Variants in TMEM260 observed in about 807,000 individuals in gnomAD.
TMEM260 encodes the protein transmembrane protein 260.
In TMEM260, 82 loss-of-function variants were observed where a neutral mutation model predicts 88.9. The ratio of observed to expected loss-of-function variants is 0.92; its 90% CI spans 0.77 to 1.11. The LOEUF (loss-of-function observed/expected upper bound fraction) is 1.11. TMEM260 is among the 50% of genes least tolerant of loss of function. TMEM260 has a pLI of 0.00. For synonymous variants in TMEM260, 314 were observed against 309.3 expected (o/e 1.02, Z -0.16); for missense variants, 902 against 853.4 (o/e 1.06, Z -0.71).
At chr14:56,610,150 T>A (rs963098243) in intron 6 of TMEM260, among the ~76,000 whole-genome samples, 7 of 152,166 alleles carry the variant, frequency 4.6e-5, no homozygotes, top group Admixed American at 4.6e-4. Context: ...TACTGTGGGA[T>A]AAGGAAGAAA....
intron 1 of TMEM260, among the ~76,000 whole-genome samples, chr14:56,581,756 A>G (rs1885150898): frequency 6.6e-6 from 1 of 152,214 alleles, no homozygotes; most frequent in South Asian, 2.1e-4. Flanking sequence ...CTATGCCCAA[A>G]GTCACACAAA....
Position 56,579,973 on chromosome 14 carries a change from T to G in TMEM260, c.59T>G (p.Leu20Arg). 3 of 1,243,148 alleles carry G rather than the reference T, an allele frequency of 2.4e-6. No individual in the cohort carries two copies. The highest frequency in any genetic ancestry group is 3.0e-6 in the Non-Finnish European group (3 of 989,044). 77.0% of individuals were successfully genotyped at this position (1,243,148 alleles called of 1,614,324 possible). A position where few individuals can be genotyped will look rare whatever the true frequency, so the allele number is the denominator to read the frequency against. Reference protein sequence around the residue: ...QAQGRAVRVGLRRSGGIRGGV... With the variant: ...QAQGRAVRVGRRRSGGIRGGV... ...CAGGGGCGGGCAGTCCGAGTGGGGC[T>G]GCGGCGCTCCGGGGGCATCCGCGGC... Residue 20 changes from leucine to arginine, a missense_variant, in exon 1 of 16, where the codon CTG (leucine) becomes CGG (arginine). Leu to Arg is a moderately radical substitution (Grantham distance 102). Coordinates refer to ENST00000261556, the MANE Select transcript of TMEM260 (RefSeq NM_017799.4).
the TMEM260 span, among the ~76,000 whole-genome samples, chr14:56,661,932 T>C: frequency 6.6e-6 from 1 of 152,110 alleles, no homozygotes; most frequent in Non-Finnish European, 1.5e-5. Context: ...TATTCATCAT[T>C]AGAAAGGTTG....
At chr14:56,584,791 C>T (rs114109783) in intron 1 of TMEM260, among the ~76,000 whole-genome samples, 1,928 of 152,232 alleles carry the variant, frequency 0.013, 50 homozygotes, top group African/African-American at 0.044. Flanking sequence ...CCACTGACCA[C>T]TTCTTAAAGA....
Position 56,647,268 on chromosome 14 carries a change from A to C in TMEM260, c.1895A>C (p.Gln632Pro). 1.2e-6 allele frequency: 2 copies of C among 1,613,706 alleles called. No individual in the cohort carries two copies. Among genetic ancestry groups the C allele is most frequent in the South Asian group, 2.2e-5 (2 of 90,980 alleles). Residue 632 changes from glutamine (Q) to proline (P), a missense_variant, in exon 16 of 16, where the codon CAA becomes CCA. Coordinates refer to ENST00000261556, the MANE Select transcript of TMEM260 (RefSeq NM_017799.4). ...YDLYKEIVYLQKEHPVNWHKN... is the reference protein window; with the variant it reads ...YDLYKEIVYLPKEHPVNWHKN... ...CTTTATAAGGAGATTGTCTATTTAC[A>C]AAAGGAGCACCCAGTGAATTGGCAC...
intron 12 of TMEM260, among the ~76,000 whole-genome samples, chr14:56,628,671 C>A (rs1025365266): frequency 1.3e-5 from 2 of 151,878 alleles, no homozygotes; most frequent in African/African-American, 4.8e-5. Context: ...TAACTTAATT[C>A]GTGTTTTTGT....
chr14:56,619,672 G>C (rs1887794402), intron 10 of TMEM260, among the ~76,000 whole-genome samples: 1 of 152,088 alleles, frequency 6.6e-6, no homozygotes, highest in South Asian at 2.1e-4. Flanking sequence ...GAGTCCCTTG[G>C]AATTTTGCTA....
chr14:56,621,513 T>C lies in TMEM260; in HGVS notation c.1227-18T>C, dbSNP rs772597178. 2 of 1,577,398 alleles carry C rather than the reference T, an allele frequency of 1.3e-6. No individual in the cohort carries two copies. The highest frequency in any genetic ancestry group is 1.9e-5 in the Admixed American group (1 of 53,758). On this transcript the variant is annotated intron_variant, in intron 10 of 15. Transcript: ENST00000261556. The stretch of plus-strand genomic sequence containing the variant: ...GCAAAGTGTTGCTATTTTAATTTTT[T>C]TGGATCCTTTTATTTAGTGTTTGTG...
At chr14:56,642,421 C>A (rs1245810611) in intron 15 of TMEM260, among the ~76,000 whole-genome samples, 3 of 151,984 alleles carry the variant, frequency 2.0e-5, no homozygotes, top group Admixed American at 6.6e-5. Flanking sequence ...GGGTACATAA[C>A]AAAATGAAGG....
At chr14:56,656,047 A>G in the TMEM260 span, among the ~76,000 whole-genome samples, 1 of 152,204 alleles carries the variant, frequency 6.6e-6, no homozygotes, top group Non-Finnish European at 1.5e-5. Flanking sequence ...GGATTGCACC[A>G]GAAGCACTGT....
intron 15 of TMEM260, among the ~76,000 whole-genome samples, chr14:56,638,916 T>C (rs1889343145): frequency 6.6e-6 from 1 of 152,080 alleles, no homozygotes; most frequent in Non-Finnish European, 1.5e-5. Context: ...GGAGGAAATA[T>C]AATTCCACAT....
chr14:56,597,185 A>G (rs1171091595), intron 3 of TMEM260, among the ~76,000 whole-genome samples: 1 of 152,224 alleles, frequency 6.6e-6, no homozygotes, highest in Non-Finnish European at 1.5e-5. Flanking sequence ...AAACATCCCT[A>G]ATCAAAAAAT....
intron 5 of TMEM260, among the ~76,000 whole-genome samples, chr14:56,608,313 T>C (rs1484414516): frequency 6.6e-6 from 1 of 152,214 alleles, no homozygotes; most frequent in East Asian, 1.9e-4. Context: ...AGAGACTACC[T>C]TTCCCAGTTA....
chr14:56,641,056 G>T (rs1396778480), intron 15 of TMEM260, among the ~76,000 whole-genome samples: 1 of 151,866 alleles, frequency 6.6e-6, no homozygotes, highest in African/African-American at 2.4e-5. Context: ...ACCTGAAAGT[G>T]ACAGGAAGAA....
intron 15 of TMEM260, among the ~76,000 whole-genome samples, chr14:56,641,057 A>ATG (rs755488761): frequency 0.026 from 3,865 of 148,104 alleles, 92 homozygotes; most frequent in East Asian, 0.067. Flanking sequence ...CCTGAAAGTG[A>ATG]CAGGAAGAAT....
At chr14:56,613,226 G>C (rs1887393654) in intron 7 of TMEM260, 1 of 151,776 alleles carries the variant, frequency 6.6e-6, no homozygotes, top group Non-Finnish European at 1.5e-5. Context: ...TACTAATTTG[G>C]AACTCTTGGG....
intron 4 of TMEM260, 37 bp from the exon 5 acceptor site, chr14:56,605,533 A>AT (rs1171215344): frequency 3.2e-6 from 4 of 1,231,848 alleles, no homozygotes; most frequent in Non-Finnish European, 2.3e-6. Flanking sequence ...TTTTAGGTGA[A>AT]TTTTTTACTT....
chr14:56,625,955 T>A (rs2026730), intron 12 of TMEM260, among the ~76,000 whole-genome samples: 1 of 152,220 alleles, frequency 6.6e-6, no homozygotes, highest in Non-Finnish European at 1.5e-5. Flanking sequence ...AAGACATTTT[T>A]ATAAATAAGA....
chr14:56,608,622 A>G (rs1483545544), intron 5 of TMEM260, among the ~76,000 whole-genome samples: 1 of 152,198 alleles, frequency 6.6e-6, no homozygotes, highest in Non-Finnish European at 1.5e-5. Context: ...TTTCTGTGAA[A>G]TGTTCAAAAC....
Sources: allele counts gnomAD v4.1 joint callset (sites outside exome capture counted in the v4.1 genomes callset), GRCh38; gene constraint gnomAD v4.1.1; transcripts MANE v1.5; gene names NCBI Gene and HGNC (gene_info 2026-07-23, HGNC 2026-07-21).